RFC3: variants seen among roughly 807,000 people sequenced by gnomAD.
RFC3 encodes the protein replication factor C subunit 3.
RFC3 carries 41 observed loss-of-function variants against 45.1 expected under a neutral mutation model. The ratio of observed to expected loss-of-function variants is 0.91; its 90% CI spans 0.71 to 1.18. The LOEUF is 1.18. Ranked by LOEUF, RFC3 falls within the 50% of genes most tolerant of loss-of-function variation. The pLI, the probability that RFC3 is intolerant of heterozygous loss-of-function variation, is 0.00. For synonymous variants in RFC3, 149 were observed against 144.0 expected, an observed-to-expected ratio of 1.03 and a Z score of -0.25; for missense variants, 423 against 428.1, an observed-to-expected ratio of 0.99 and a Z score of 0.10.
At chr13:33,904,004 T>C (rs1447190299) in intron 8 of RFC3, among the ~76,000 whole-genome samples, 1 of 152,130 alleles carries the variant, frequency 6.6e-6, no homozygotes, top group Non-Finnish European at 1.5e-5. Flanking sequence ...TATGTGTGCA[T>C]GCCCACAAGG....
rs567268574 is a variant in RFC3, at chr13:33,823,382, A to G, written c.226-535A>G. ...GAATTGTTTGAGTTCAGAAAACAAA[A>G]TGTCCATCAGTATGACCAGCTTTGC... is the stretch of plus-strand genomic sequence containing the variant. On this transcript the variant is annotated intron_variant, in intron 2 of 8. Coordinates refer to ENST00000380071, the MANE Select transcript of RFC3 (RefSeq NM_002915.4). Among the ~76,000 whole-genome samples, 7 of 152,286 alleles carry G rather than the reference A, an allele frequency of 4.6e-5. No individual in the cohort carries two copies. In the East Asian group the frequency reaches 1.2e-3, roughly 25 times the overall value.
chr13:33,907,890 A>G (rs2082680706), intron 8 of RFC3, among the ~76,000 whole-genome samples: 1 of 152,056 alleles, frequency 6.6e-6, no homozygotes. Context: ...GCCTTTTACA[A>G]ACCTTTGAAA....
chr13:33,834,329 T>TATATATATATATACACACATAC (rs1300798923), intron 7 of RFC3, among the ~76,000 whole-genome samples: 11 of 125,106 alleles, frequency 8.8e-5, no homozygotes, highest in East Asian at 4.7e-4. Flanking sequence ...TATATATATA[T>TATATATATATATACACACATAC]ATCTGTACTG....
At chr13:33,867,486 G>A (rs1429041960) in intron 8 of RFC3, among the ~76,000 whole-genome samples, 2 of 152,186 alleles carry the variant, frequency 1.3e-5, no homozygotes, top group Non-Finnish European at 2.9e-5. Flanking sequence ...AGCCACACAT[G>A]CTTCTGAGAG....
chr13:33,840,590 T>G (rs532363902), downstream of RFC3, among the ~76,000 whole-genome samples: 23 of 41,322 alleles, frequency 5.6e-4, no homozygotes, highest in South Asian at 5.0e-3. Flanking sequence ...ATTCTTTTTT[T>G]TGTGTGTGTT....
At chr13:33,939,834 G>A (rs1356215587) in intron 8 of RFC3, among the ~76,000 whole-genome samples, 1 of 152,030 alleles carries the variant, frequency 6.6e-6, no homozygotes, top group Non-Finnish European at 1.5e-5. Context: ...ATAGGTTGTT[G>A]GTGTCAGAGA....
intron 8 of RFC3, among the ~76,000 whole-genome samples, chr13:33,880,062 C>A (rs909040561): frequency 6.6e-6 from 1 of 152,222 alleles, no homozygotes; most frequent in South Asian, 2.1e-4. Flanking sequence ...CTTTCCCATT[C>A]AAGATCAGTT....
chr13:33,883,869 T>C (rs888290457), intron 8 of RFC3, among the ~76,000 whole-genome samples: 1 of 152,036 alleles, frequency 6.6e-6, no homozygotes, highest in Non-Finnish European at 1.5e-5. Flanking sequence ...AAATAATCTG[T>C]GTAACAAATC....
intron 8 of RFC3, among the ~76,000 whole-genome samples, chr13:33,884,539 G>A (rs2082507347): frequency 1.3e-5 from 2 of 152,152 alleles, no homozygotes; most frequent in Admixed American, 1.3e-4. Context: ...ATATGCTGGA[G>A]ATGAACTGTG....
rs994189753 is a variant in RFC3 at position 33,890,514 on chromosome 13, G to A, written c.879+55297G>A. Among the ~76,000 whole-genome samples, 12 of 152,130 alleles carry A rather than the reference G, an allele frequency of 7.9e-5. No individual in the cohort carries two copies. The South Asian group carries it at 1.0e-3, about 13-fold the overall frequency. On this transcript the variant is annotated intron_variant, in intron 8 of 8. Coordinates refer to the RFC3 transcript ENST00000434425. ...ACCCAGTGTGATGAAATGAGCAATC[G>A]TATTGACCCAGTGTGATGAAATGAG... is the stretch of plus-strand genomic sequence containing the variant.
chr13:33,854,076 A>G (rs892165352), intron 8 of RFC3, among the ~76,000 whole-genome samples: 6 of 152,188 alleles, frequency 3.9e-5, no homozygotes, highest in African/African-American at 1.4e-4. Flanking sequence ...AAAGATACGA[A>G]GAAATGTAGA....
At chr13:33,974,863 C>T in the RFC3 span, among the ~76,000 whole-genome samples, 1 of 152,150 alleles carries the variant, frequency 6.6e-6, no homozygotes, top group South Asian at 2.1e-4. Flanking sequence ...ATTAAAACAA[C>T]AGCAGCAACA....
intron 8 of RFC3, among the ~76,000 whole-genome samples, chr13:33,891,634 A>G (rs2082563745): frequency 6.6e-6 from 1 of 152,222 alleles, no homozygotes; most frequent in Non-Finnish European, 1.5e-5. Context: ...GATTATCTGC[A>G]TATTACACCC....
intron 8 of RFC3, among the ~76,000 whole-genome samples, chr13:33,880,064 A>G (rs1348306623): frequency 6.6e-6 from 1 of 152,242 alleles, no homozygotes. Context: ...TTCCCATTCA[A>G]GATCAGTTGA....
At chr13:33,824,505 TATTAAGC>T (rs2082031936) in intron 3 of RFC3, among the ~76,000 whole-genome samples, 1 of 152,154 alleles carries the variant, frequency 6.6e-6, no homozygotes, top group Admixed American at 6.5e-5. Context: ...ATGCAATAGC[TATTAAGC>T]ATTAAGTGGT....
At chr13:33,901,066 A>G (rs2082638540) in intron 8 of RFC3, among the ~76,000 whole-genome samples, 1 of 151,976 alleles carries the variant, frequency 6.6e-6, no homozygotes, top group Non-Finnish European at 1.5e-5. Context: ...ATGTGGAGAG[A>G]GGGGGACCCC....
rs187678770 is a variant in RFC3 at position 33,880,233 on chromosome 13, T to C, written c.879+45016T>C. Among the ~76,000 whole-genome samples the C allele has an allele frequency of 9.8e-5, 15 of 152,348 alleles. No individual in the cohort carries two copies. In the East Asian group the frequency reaches 2.9e-3, roughly 29 times the overall value. On this transcript the variant is annotated intron_variant, in intron 8 of 8. Coordinates refer to the RFC3 transcript ENST00000434425. ...TTAAACACATATTATGACATATTAA[T>C]AGTCAATCTGATATGTTTATATAAA...
chr13:33,945,231 A>G (rs949513945), intron 8 of RFC3, among the ~76,000 whole-genome samples: 1 of 152,180 alleles, frequency 6.6e-6, no homozygotes, highest in African/African-American at 2.4e-5. Flanking sequence ...TGGGAAAACC[A>G]TTGGCAAGAA....
intron 8 of RFC3, among the ~76,000 whole-genome samples, chr13:33,909,550 T>G (rs911110978): frequency 1.3e-5 from 2 of 152,190 alleles, no homozygotes; most frequent in Admixed American, 1.3e-4. Context: ...CTCTCTCTTC[T>G]CTTTCTCCTT....
Sources: gnomAD v4.1 joint callset for allele counts (sites outside exome capture counted in the v4.1 genomes callset) on GRCh38, gnomAD v4.1.1 for gene constraint, MANE v1.5 for transcripts, NCBI Gene and HGNC (gene_info 2026-07-23, HGNC 2026-07-21) for gene names.